PRPF18: variants seen among roughly 807,000 people sequenced by gnomAD.
PRPF18 encodes pre-mRNA processing factor 18.
A neutral mutation model predicts 46.5 loss-of-function variants in PRPF18; 38 were observed. That is an observed-to-expected ratio of 0.82 (90% CI 0.63 to 1.07). The LOEUF (loss-of-function observed/expected upper bound fraction) is 1.07, where lower values mean the gene tolerates loss of function less well. PRPF18 is among the 50% of genes least tolerant of loss of function. PRPF18 has a pLI of 0.00. For missense variants in PRPF18, 263 were observed against 410.0 expected (o/e 0.64, Z 3.10); for synonymous variants, 152 against 146.7 (o/e 1.04, Z -0.26).
intron 1 of PRPF18, chr10:13,592,057 C>G: frequency 1.7e-6 from 1 of 577,574 alleles, no homozygotes; most frequent in South Asian, 1.6e-5. Context: ...GGTTTTGTAA[C>G]AGTTGCAAGA....
chr10:13,621,666 A>G (rs1293932410), intron 9 of PRPF18, among the ~76,000 whole-genome samples: 3 of 152,196 alleles, frequency 2.0e-5, no homozygotes, highest in East Asian at 3.8e-4. Context: ...CTCGCTATGT[A>G]TAGATGAATT....
chr10:13,638,890 CT>C, the PRPF18 span: 83,974 of 151,840 alleles, frequency 0.55, 23,624 homozygotes, highest in East Asian at 0.79. Context: ...AGCTGCCTTC[CT>C]GTGGGCCTCA....
chr10:13,612,110 C>T (rs1317139899), intron 6 of PRPF18, among the ~76,000 whole-genome samples: 2 of 152,046 alleles, frequency 1.3e-5, no homozygotes, highest in Non-Finnish European at 2.9e-5. Flanking sequence ...GAACTCCTGA[C>T]CTCAGGTGAT....
At chr10:13,593,773 G>T (rs929578134) in intron 1 of PRPF18, among the ~76,000 whole-genome samples, 1 of 152,200 alleles carries the variant, frequency 6.6e-6, no homozygotes, top group African/African-American at 2.4e-5. Context: ...CATGACTGGA[G>T]TTGGGAGGAA....
At chr10:13,591,365 A>T (rs1014722219) in intron 1 of PRPF18, 9 of 410,308 alleles carry the variant, frequency 2.2e-5, no homozygotes, top group African/African-American at 1.9e-4. Flanking sequence ...AGTTTTATGA[A>T]ATAATTCTTA....
chr10:13,618,823 A>G (rs1022110803), intron 9 of PRPF18, among the ~76,000 whole-genome samples: 1 of 152,154 alleles, frequency 6.6e-6, no homozygotes, highest in African/African-American at 2.4e-5. Context: ...TGAATTCATG[A>G]TAGAGCAAGA....
intron 1 of PRPF18, among the ~76,000 whole-genome samples, chr10:13,593,166 A>C (rs1033701786): frequency 1.3e-5 from 2 of 152,244 alleles, no homozygotes; most frequent in African/African-American, 4.8e-5. Flanking sequence ...ACATTGGAAA[A>C]TAAAATTAGT....
At chr10:13,591,878 C>T (rs367649510) in intron 1 of PRPF18, 11 of 1,420,374 alleles carry the variant, frequency 7.7e-6, no homozygotes, top group South Asian at 6.7e-5. Context: ...ATGATCAGAA[C>T]GTTCCCCGGG....
the PRPF18 span, chr10:13,646,708 T>C: frequency 6.5e-6 from 1 of 152,748 alleles, no homozygotes; most frequent in African/African-American, 2.4e-5. Flanking sequence ...GATTGGTGTC[T>C]GGCTCTCTAT....
chr10:13,618,615 C>CAAAAAAAA (rs68069523), intron 9 of PRPF18, among the ~76,000 whole-genome samples: 3 of 39,982 alleles, frequency 7.5e-5, no homozygotes, highest in African/African-American at 8.6e-5. Context: ...AAGACCCTGT[C>CAAAAAAAA]AAAAAAAAAA....
At chr10:13,634,961 A>T (rs1302193968), downstream of PRPF18, among the ~76,000 whole-genome samples, 2 of 152,130 alleles carry the variant, frequency 1.3e-5, no homozygotes, top group Non-Finnish European at 2.9e-5. Context: ...AACATGTGTC[A>T]TGGTGGTTTG....
At chr10:13,606,461 G>A (rs1310307815) in intron 4 of PRPF18, among the ~76,000 whole-genome samples, 1 of 152,166 alleles carries the variant, frequency 6.6e-6, no homozygotes, top group Non-Finnish European at 1.5e-5. Context: ...TGCTGGCTGG[G>A]CGTGGTGGCA....
At chr10:13,652,760 G>A in the PRPF18 span, 43,555 of 152,172 alleles carry the variant, frequency 0.29, 8,178 homozygotes, top group East Asian at 0.73. Context: ...CAAAACTTGA[G>A]TGTGGGTCAG....
At chr10:13,618,820 A>G (rs893655066) in intron 9 of PRPF18, among the ~76,000 whole-genome samples, 7 of 152,276 alleles carry the variant, frequency 4.6e-5, no homozygotes, top group South Asian at 4.1e-4. Context: ...GAATGAATTC[A>G]TGATAGAGCA....
chr10:13,650,214 A>AT, the PRPF18 span, among the ~76,000 whole-genome samples: 4 of 152,092 alleles, frequency 2.6e-5, no homozygotes, highest in Non-Finnish European at 5.9e-5. Flanking sequence ...AAACTGAATT[A>AT]TTTTTTTAAA....
At position 13,611,649 on chromosome 10, in the gene PRPF18, A is replaced by G. The variant is rs2080270448; in HGVS notation, c.545A>G (p.His182Arg). ...GAGTCCTTAGGGAAAGGCGATGATC[A>G]TAAAGACATGGACATCATCACCAAA... is the stretch of plus-strand genomic sequence containing the variant. ...LGESLGKGDD[H>R]KDMDIITKFL... Residue 182 changes from histidine (H) to arginine (R), a missense_variant, in exon 6 of 10, where the codon CAT becomes CGT. This residue lies in a region of PRPF18 where 155 missense variants were observed against 245.1 expected (regional missense o/e 0.63). Coordinates refer to ENST00000378572, the MANE Select transcript of PRPF18 (RefSeq NM_003675.4). The G allele has an allele frequency of 6.2e-7, 1 of 1,613,972 alleles. No individual in the cohort carries two copies. Among genetic ancestry groups the G allele is most frequent in the South Asian group, 1.1e-5 (1 of 91,080 alleles).
intron 5 of PRPF18, 126 bp from the exon 6 acceptor site, chr10:13,611,489 C>G (rs2080268422): frequency 1.4e-6 from 1 of 725,040 alleles, no homozygotes; most frequent in Non-Finnish European, 2.2e-6. Context: ...GAAATTCCAT[C>G]CGATTTTTAA....
At chr10:13,598,360 A>G (rs1554807572) in intron 2 of PRPF18, among the ~76,000 whole-genome samples, 1 of 152,174 alleles carries the variant, frequency 6.6e-6, no homozygotes, top group Non-Finnish European at 1.5e-5. Flanking sequence ...CTTGTAATTA[A>G]CCTTTTGCTT....
At chr10:13,591,928 G>GTT (rs79929794) in intron 1 of PRPF18, 2,003 of 1,005,090 alleles carry the variant, frequency 2.0e-3, no homozygotes, top group African/African-American at 4.5e-3. Context: ...TCAACTGAGG[G>GTT]TTTTTTTTTT....
Sources: allele counts gnomAD v4.1 joint callset (sites outside exome capture counted in the v4.1 genomes callset), GRCh38; gene constraint gnomAD v4.1.1; regional missense constraint gnomAD v4.1.1; transcripts MANE v1.5; gene names NCBI Gene and HGNC (gene_info 2026-07-23, HGNC 2026-07-21).